Variants in SLC9A9 observed in about 807,000 individuals in gnomAD.
SLC9A9 encodes the protein solute carrier family 9 member A9.
A neutral mutation model predicts 77.8 loss-of-function variants in SLC9A9; 62 were observed. The observed-to-expected ratio is 0.80, with a 90% confidence interval of 0.65 to 0.98. The LOEUF (loss-of-function observed/expected upper bound fraction) is 0.98, where lower values mean the gene tolerates loss of function less well. Ranked by LOEUF, SLC9A9 falls within the 50% of genes least tolerant of loss-of-function variation. The pLI is 0.00. For missense variants in SLC9A9, 775 were observed against 774.9 expected, an observed-to-expected ratio of 1.00 and a Z score of 0.00; for synonymous variants, 320 against 283.5, an observed-to-expected ratio of 1.13 and a Z score of -1.29.
chr3:143,784,833 A>T (rs1214196834), intron 4 of SLC9A9, among the ~76,000 whole-genome samples: 1 of 152,150 alleles, frequency 6.6e-6, no homozygotes, highest in Non-Finnish European at 1.5e-5. Flanking sequence ...AGGAGGTAGG[A>T]CCTTTGGGAA....
At position 143,698,730 on chromosome 3, in the gene SLC9A9, A is replaced by G. The variant is rs1933711778; in HGVS notation, c.534-5423T>C. ...CTTTTTTAAAAATAACCTTCACTAA[A>G]TTATGAATAGATCACCCGAAAAGGC... is the stretch of plus-strand genomic sequence containing the variant. On this transcript the variant is annotated intron_variant, in intron 4 of 15. Transcript: ENST00000316549. 2.0e-5 allele frequency among the ~76,000 whole-genome samples: 3 copies of G among 152,318 alleles called. No homozygotes were observed. In the South Asian group the frequency reaches 6.2e-4, roughly 32 times the overall value.
At chr3:143,313,650 C>A (rs1393665587) in intron 14 of SLC9A9, among the ~76,000 whole-genome samples, 1 of 152,216 alleles carries the variant, frequency 6.6e-6, no homozygotes, top group South Asian at 2.1e-4. Flanking sequence ...TATAGAAATA[C>A]CATGTCCCGA....
At chr3:143,439,348 C>T (rs1436792994) in intron 12 of SLC9A9, among the ~76,000 whole-genome samples, 1 of 152,192 alleles carries the variant, frequency 6.6e-6, no homozygotes, top group Admixed American at 6.5e-5. Flanking sequence ...GCCTCTGAGC[C>T]GGTCTTCTTA....
chr3:143,834,013 T>C (rs184366185), intron 1 of SLC9A9, among the ~76,000 whole-genome samples: 7 of 152,304 alleles, frequency 4.6e-5, no homozygotes, highest in Non-Finnish European at 1.0e-4. Context: ...TTGAAAGATT[T>C]TAGGCAGGGG....
chr3:143,624,177 A>G (rs1184058365), intron 6 of SLC9A9, among the ~76,000 whole-genome samples: 4 of 152,254 alleles, frequency 2.6e-5, no homozygotes, highest in African/African-American at 9.6e-5. Flanking sequence ...GCCAAATTCT[A>G]CCAGAGGTAC....
chr3:143,554,604 A>G (rs996331696), intron 8 of SLC9A9, among the ~76,000 whole-genome samples: 2 of 152,180 alleles, frequency 1.3e-5, no homozygotes, highest in Admixed American at 6.5e-5. Context: ...ACGCTTCTTT[A>G]AAAACTAGTC....
chr3:143,516,171 A>T (rs1413566946), intron 9 of SLC9A9, among the ~76,000 whole-genome samples: 1 of 152,084 alleles, frequency 6.6e-6, no homozygotes, highest in Non-Finnish European at 1.5e-5. Flanking sequence ...TGTACACGAC[A>T]TGTTCTTACT....
intron 12 of SLC9A9, among the ~76,000 whole-genome samples, chr3:143,416,005 G>T (rs2034185255): frequency 6.6e-6 from 1 of 152,162 alleles, no homozygotes. Context: ...TCCTGGAGGG[G>T]GTTGGGGGAG....
chr3:143,810,821 T>C (rs1184450434), intron 2 of SLC9A9, among the ~76,000 whole-genome samples: 1 of 152,168 alleles, frequency 6.6e-6, no homozygotes, highest in Non-Finnish European at 1.5e-5. Flanking sequence ...CTTGAAGATA[T>C]ATTATAGAGA....
chr3:143,328,838 A>T (rs1559869846), intron 14 of SLC9A9, among the ~76,000 whole-genome samples: 1 of 152,174 alleles, frequency 6.6e-6, no homozygotes, highest in East Asian at 1.9e-4. Context: ...CAATGCCTGG[A>T]TCATTCCTCT....
chr3:143,763,580 G>T (rs570940184), intron 4 of SLC9A9, among the ~76,000 whole-genome samples: 38 of 152,150 alleles, frequency 2.5e-4, no homozygotes, highest in African/African-American at 8.7e-4. Context: ...TGTGATAGGT[G>T]TTACTAAAAA....
intron 14 of SLC9A9, chr3:143,343,321 A>T (rs1451333330): frequency 6.6e-6 from 1 of 152,190 alleles, no homozygotes; most frequent in Non-Finnish European, 1.5e-5. Flanking sequence ...ACAGGAGGGC[A>T]TTCTTTTAAA....
chr3:143,513,481 C>T (rs1001845919), intron 9 of SLC9A9, among the ~76,000 whole-genome samples: 9 of 152,208 alleles, frequency 5.9e-5, no homozygotes, highest in African/African-American at 2.2e-4. Context: ...TCTTGTATCC[C>T]TCAAAATCAT....
At chr3:143,321,013 G>A (rs1009914939) in intron 14 of SLC9A9, among the ~76,000 whole-genome samples, 1 of 152,204 alleles carries the variant, frequency 6.6e-6, no homozygotes, top group Non-Finnish European at 1.5e-5. Flanking sequence ...GCCAGCAATC[G>A]TCACAGGCTA....
chr3:143,797,719 C>G (rs2008426601), intron 2 of SLC9A9, among the ~76,000 whole-genome samples: 1 of 152,084 alleles, frequency 6.6e-6, no homozygotes, highest in Admixed American at 6.5e-5. Flanking sequence ...CTCAAAAGCT[C>G]CCCCACTGAG....
intron 14 of SLC9A9, among the ~76,000 whole-genome samples, chr3:143,353,636 G>A (rs1483761355): frequency 6.6e-6 from 1 of 151,944 alleles, no homozygotes; most frequent in Non-Finnish European, 1.5e-5. Flanking sequence ...TTTTTGCTCA[G>A]GACTTTGTGA....
At chr3:143,507,099 A>G (rs1360919320) in intron 9 of SLC9A9, among the ~76,000 whole-genome samples, 1 of 144,208 alleles carries the variant, frequency 6.9e-6, no homozygotes, top group Non-Finnish European at 1.6e-5. Context: ...TGTTTTTTAG[A>G]GCAATTTTAG....
At chr3:143,619,148 T>C (rs2038155577) in intron 6 of SLC9A9, among the ~76,000 whole-genome samples, 1 of 152,228 alleles carries the variant, frequency 6.6e-6, no homozygotes, top group Non-Finnish European at 1.5e-5. Context: ...TGTTGAAGAA[T>C]GTCCACAAGG....
At chr3:143,724,164 A>C (rs1934578557) in intron 4 of SLC9A9, among the ~76,000 whole-genome samples, 1 of 152,176 alleles carries the variant, frequency 6.6e-6, no homozygotes, top group South Asian at 2.1e-4. Context: ...TGATTGGATT[A>C]TGGAGGTGGA....
Sources: allele counts gnomAD v4.1 joint callset (sites outside exome capture counted in the v4.1 genomes callset), GRCh38; gene constraint gnomAD v4.1.1; transcripts MANE v1.5; gene names NCBI Gene and HGNC (gene_info 2026-07-23, HGNC 2026-07-21).